The following DCPS variants were observed in gnomAD, a reference collection of about 807,000 sequenced individuals.
DCPS encodes the protein decapping enzyme, scavenger.
In DCPS, 27 loss-of-function variants were observed where a neutral mutation model predicts 34.7. The observed-to-expected ratio is 0.78, with a 90% confidence interval of 0.57 to 1.07. The LOEUF (loss-of-function observed/expected upper bound fraction) is 1.07. Among genes scored for constraint, DCPS ranks in the 50% least tolerant of loss-of-function variants. DCPS has a pLI of 0.00. For missense variants in DCPS, 464 were observed against 436.9 expected (o/e 1.06, Z -0.55); for synonymous variants, 185 against 185.7 (o/e 1.00, Z 0.03).
chr11:126,304,717 A>G (rs928483846), intron 1 of DCPS, among the ~76,000 whole-genome samples: 5 of 152,172 alleles, frequency 3.3e-5, no homozygotes, highest in African/African-American at 4.8e-5. Context: ...AGAACAATAT[A>G]TTATAATTGT....
rs1591385469 is a variant in DCPS at position 126,322,673 on chromosome 11, A to G, written c.377-8732A>G. 6.6e-6 allele frequency among the ~76,000 whole-genome samples: 1 copy of G among 151,364 alleles called. No individual in the cohort carries two copies. The highest frequency in any genetic ancestry group is 1.9e-4 in the East Asian group (1 of 5,152). Reference sequence around the variant, plus strand: ...AGTGGCACAATCTCGGCTCACTGCAACCTCCGCCTCCGAGGTTCAAGTGAT... The same window carrying G: ...AGTGGCACAATCTCGGCTCACTGCAGCCTCCGCCTCCGAGGTTCAAGTGAT... On this transcript the variant is annotated intron_variant, in intron 2 of 5. Coordinates refer to ENST00000263579, the MANE Select transcript of DCPS (RefSeq NM_014026.6). The surrounding 1 kb of genome is among the most constrained non-coding windows in gnomAD (Gnocchi z 4.2).
Position 126,345,197 on chromosome 11 carries a change from C to A in DCPS, c.748-150C>A. 1.9e-6 allele frequency: 2 copies of A among 1,048,166 alleles called. No individual in the cohort carries two copies. The highest frequency in any genetic ancestry group is 2.7e-6 in the Non-Finnish European group (2 of 736,382). The allele number at this position is 1,048,166 out of a possible 1,614,324, so 64.9% of individuals were successfully genotyped here. ...GACTAGAAGACAGAGGAAGCTGAAGCAGACAGCAGGTAGAGAGCTGTTTGG... is the reference window on the plus strand; with the variant it reads ...GACTAGAAGACAGAGGAAGCTGAAGAAGACAGCAGGTAGAGAGCTGTTTGG... On this transcript the variant is annotated intron_variant, in intron 5 of 5. Coordinates refer to ENST00000263579, the MANE Select transcript of DCPS (RefSeq NM_014026.6). This position sits in a 1 kb window ranked among gnomAD's most constrained non-coding sequence, Gnocchi z 7.4.
chr11:126,311,952 C>A (rs73017394), intron 2 of DCPS, among the ~76,000 whole-genome samples: 25,557 of 152,096 alleles, frequency 0.17, 2,560 homozygotes, highest in Non-Finnish European at 0.24. Flanking sequence ...GTTTTTGAGA[C>A]GGAGTTTTGC....
intron 2 of DCPS, among the ~76,000 whole-genome samples, chr11:126,314,301 A>G (rs908842758): frequency 6.6e-6 from 1 of 152,246 alleles, no homozygotes; most frequent in African/African-American, 2.4e-5. Context: ...GCTGTATAGT[A>G]TTCCATGGTG....
chr11:126,307,142 G>A (rs1384818802), intron 2 of DCPS, among the ~76,000 whole-genome samples: 3 of 151,698 alleles, frequency 2.0e-5, no homozygotes, highest in Non-Finnish European at 4.4e-5. Flanking sequence ...CCAGACTCTC[G>A]GCCAACATGG....
intron 5 of DCPS, among the ~76,000 whole-genome samples, chr11:126,343,856 T>C (rs1951896580): frequency 6.6e-6 from 1 of 152,184 alleles, no homozygotes; most frequent in African/African-American, 2.4e-5. Context: ...TAGCACCTGG[T>C]GTTCTGGGAT....
chr11:126,306,540 T>C (rs1437288702), intron 1 of DCPS, 30 bp from the exon 2 acceptor site: 1 of 1,572,864 alleles, frequency 6.4e-7, no homozygotes, highest in Non-Finnish European at 8.7e-7. Flanking sequence ...GTTCTGCCCT[T>C]GAGCCCACTG....
At chr11:126,317,744 G>A (rs1257219125) in intron 2 of DCPS, among the ~76,000 whole-genome samples, 2 of 152,208 alleles carry the variant, frequency 1.3e-5, no homozygotes, top group Non-Finnish European at 2.9e-5. Context: ...ATTGTGGTCT[G>A]GTCTGCTCAA....
At chr11:126,318,152 C>T (rs1457725045) in intron 2 of DCPS, among the ~76,000 whole-genome samples, 4 of 152,154 alleles carry the variant, frequency 2.6e-5, no homozygotes, top group South Asian at 2.1e-4. Context: ...CTAAAGTCAG[C>T]GTCTGCCTCT....
chr11:126,341,085 T>C (rs968330271), intron 4 of DCPS: 21 of 152,230 alleles, frequency 1.4e-4, no homozygotes, highest in African/African-American at 5.1e-4. Context: ...TATATGTACA[T>C]GTATATATGG....
At position 126,322,810 on chromosome 11, in the gene DCPS, C is replaced by G. The variant is rs575546034; in HGVS notation, c.377-8595C>G. ...GGTTTCACCATGTTGGCCAGTCTAT[C>G]CTAAAATTCTTTAGCAAGAAGCAAA... On this transcript the variant is annotated intron_variant, in intron 2 of 5. Transcript: ENST00000263579. This position sits in a 1 kb window ranked among gnomAD's most constrained non-coding sequence, Gnocchi z 4.2. 6.6e-6 allele frequency among the ~76,000 whole-genome samples: 1 copy of G among 152,116 alleles called. No individual in the cohort carries two copies. The highest frequency in any genetic ancestry group is 1.9e-4 in the East Asian group (1 of 5,178).
At chr11:126,304,518 T>C (rs1413083468) in intron 1 of DCPS, among the ~76,000 whole-genome samples, 1 of 152,140 alleles carries the variant, frequency 6.6e-6, no homozygotes, top group Non-Finnish European at 1.5e-5. Context: ...ACTAGAAATA[T>C]CTACTGGGAG....
chr11:126,341,260 T>G (rs1951873674), intron 4 of DCPS: 1 of 152,260 alleles, frequency 6.6e-6, no homozygotes, highest in East Asian at 1.9e-4. Flanking sequence ...TTTTACTGTC[T>G]TGACTTGTAA....
chr11:126,305,686 G>A (rs920440837), intron 1 of DCPS, among the ~76,000 whole-genome samples: 1 of 152,214 alleles, frequency 6.6e-6, no homozygotes, highest in Non-Finnish European at 1.5e-5. Context: ...CTCCCAAAGT[G>A]CTGGGATTAT....
Position 126,331,907 on chromosome 11 carries a change from G to C in DCPS, c.522+357G>C, listed in dbSNP as rs1033064147. The stretch of plus-strand genomic sequence containing the variant: ...GGGTGGGGGAACTGATGCTGGTCTT[G>C]GTCCCACCTGATGTGCTTGGGCATG... On this transcript the variant is annotated intron_variant, in intron 3 of 5. Coordinates refer to ENST00000263579, the MANE Select transcript of DCPS (RefSeq NM_014026.6). This position sits in a 1 kb window ranked among gnomAD's most constrained non-coding sequence, Gnocchi z 7.2. Among the ~76,000 whole-genome samples, 7 of 152,178 alleles carry C rather than the reference G, an allele frequency of 4.6e-5. No homozygotes were observed. The highest frequency in any genetic ancestry group is 8.8e-5 in the Non-Finnish European group (6 of 68,038).
Position 126,331,909 on chromosome 11 carries a change from TC to T in DCPS, c.522+362del, listed in dbSNP as rs1256309867. ...GTGGGGGAACTGATGCTGGTCTTGGTCCCACCTGATGTGCTTGGGCATGCCA... is the reference window on the plus strand; with the variant it reads ...GTGGGGGAACTGATGCTGGTCTTGGTCCACCTGATGTGCTTGGGCATGCCA... On this transcript the variant is annotated intron_variant, in intron 3 of 5. Coordinates refer to ENST00000263579, the MANE Select transcript of DCPS (RefSeq NM_014026.6). The surrounding 1 kb of genome is among the most constrained non-coding windows in gnomAD (Gnocchi z 7.2). Among the ~76,000 whole-genome samples, 4 of 152,286 alleles carry T rather than the reference TC, an allele frequency of 2.6e-5. No homozygotes were observed. Among genetic ancestry groups the T allele is most frequent in the Admixed American group, 1.3e-4 (2 of 15,304 alleles).
chr11:126,333,062 C>CG lies in DCPS; in HGVS notation c.522+1513dup, dbSNP rs1346419513. ...TTTGCCATGTTGCTCAGGCTGGCCT[C>CG]GAACTCCTGAGCTCAGGCAGTCCGC... On this transcript the variant is annotated intron_variant, in intron 3 of 5. Coordinates refer to ENST00000263579, the MANE Select transcript of DCPS (RefSeq NM_014026.6). This position sits in a 1 kb window ranked among gnomAD's most constrained non-coding sequence, Gnocchi z 5.7. 4.1e-4 allele frequency among the ~76,000 whole-genome samples: 62 copies of CG among 152,104 alleles called. No individual in the cohort carries two copies. Among genetic ancestry groups the CG allele is most frequent in the African/African-American group, 1.3e-3 (54 of 41,426 alleles).
At chr11:126,314,232 T>A (rs76683614) in intron 2 of DCPS, among the ~76,000 whole-genome samples, 1 of 152,142 alleles carries the variant, frequency 6.6e-6, no homozygotes, top group Non-Finnish European at 1.5e-5. Flanking sequence ...TGGCTTAGGA[T>A]AATGGCCTCC....
At position 126,319,390 on chromosome 11, in the gene DCPS, G is replaced by T. The variant is rs1442127906; in HGVS notation, c.377-12015G>T. 6.6e-6 allele frequency among the ~76,000 whole-genome samples: 1 copy of T among 152,176 alleles called. No homozygotes were observed. The highest frequency in any genetic ancestry group is 1.5e-5 in the Non-Finnish European group (1 of 68,036). On this transcript the variant is annotated intron_variant, in intron 2 of 5. Transcript: ENST00000263579. This position sits in a 1 kb window ranked among gnomAD's most constrained non-coding sequence, Gnocchi z 4.5. ...TTTCTAGTTGTGAGCCAGTCTGGAA[G>T]CAAGGTCCTCTTCCGTCCCTTTGTG...
Sources: allele counts gnomAD v4.1 joint callset (sites outside exome capture counted in the v4.1 genomes callset), GRCh38; gene constraint gnomAD v4.1.1; non-coding constraint Gnocchi (gnomAD v3.1); transcripts MANE v1.5; gene names NCBI Gene and HGNC (gene_info 2026-07-23, HGNC 2026-07-21).